The following FMN2 variants were observed in gnomAD, a reference collection of about 807,000 sequenced individuals.
FMN2 encodes the protein formin-2.
Under a neutral mutation model 142.3 loss-of-function variants are expected in FMN2, and 51 were observed. That is an observed-to-expected ratio of 0.36 (90% CI 0.29 to 0.45). The LOEUF is 0.45. FMN2 is among the 20% of genes least tolerant of loss of function. The pLI is 1.00. For missense variants in FMN2, 1,936 were observed against 2,122.8 expected (o/e 0.91, Z 1.73); for synonymous variants, 882 against 869.8 (o/e 1.01, Z -0.25).
chr1:240,339,815 T>A (rs1328358420), intron 13 of FMN2, among the ~76,000 whole-genome samples: 1 of 152,004 alleles, frequency 6.6e-6, no homozygotes, highest in Non-Finnish European at 1.5e-5. Context: ...TTCTGGTCTA[T>A]ACTAGGATAA....
At position 240,091,903 on chromosome 1, in the gene FMN2, G is replaced by T. The variant is rs12727981; in HGVS notation, c.-207G>T. On this transcript the variant is annotated 5_prime_UTR_variant, in exon 1 of 18. Transcript: ENST00000319653. Reference sequence around the variant, plus strand: ...TAGCCGCAGCCGCAGCCGCAGCGACGGCAGCCACGGGAGCCGCCGCGCATT... The same window carrying T: ...TAGCCGCAGCCGCAGCCGCAGCGACTGCAGCCACGGGAGCCGCCGCGCATT... The T allele has an allele frequency of 0.48, 391,457 of 817,146 alleles. 98,451 individuals are homozygous for T. Among genetic ancestry groups the T allele is most frequent in the Middle Eastern group, 0.6 (1,532 of 2,558 alleles). The allele number at this position is 817,146 out of a possible 1,614,324, so 50.6% of individuals were successfully genotyped here. A position where few individuals can be genotyped will look rare whatever the true frequency, so the allele number is the denominator to read the frequency against.
chr1:240,387,667 A>G (rs1389291502), intron 14 of FMN2, among the ~76,000 whole-genome samples: 2 of 152,220 alleles, frequency 1.3e-5, no homozygotes, highest in Non-Finnish European at 2.9e-5. Context: ...TAAAGAGGCA[A>G]CCTTATTTTA....
intron 2 of FMN2, among the ~76,000 whole-genome samples, chr1:240,165,719 C>T (rs1394981706): frequency 7.9e-5 from 12 of 151,610 alleles, no homozygotes. Flanking sequence ...TGCCGGGGAC[C>T]TGGGGCACTA....
At position 240,093,048 on chromosome 1, in the gene FMN2, G is replaced by T; in HGVS notation, c.939G>T (p.Ala313=). Residue 313 remains alanine (A), a synonymous_variant, in exon 1 of 18, where the codon GCG becomes GCT. Coordinates refer to ENST00000319653, the MANE Select transcript of FMN2 (RefSeq NM_020066.5). ...EAPSLPAAQP[A]AKDSPSSTAF... is the part of the protein sequence containing the mutation. ...CCAGTCTCCCGGCAGCGCAACCCGCGGCCAAAGACTCGCCCTCCTCCACGG... is the reference window on the plus strand; with the variant it reads ...CCAGTCTCCCGGCAGCGCAACCCGCTGCCAAAGACTCGCCCTCCTCCACGG... The T allele has an allele frequency of 7.2e-7, 1 of 1,391,396 alleles. No homozygotes were observed. Among genetic ancestry groups the T allele is most frequent in the Non-Finnish European group, 9.2e-7 (1 of 1,081,614 alleles). The allele number at this position is 1,391,396 out of a possible 1,614,324, so 86.2% of individuals were successfully genotyped here.
chr1:240,374,354 A>G (rs980024770), intron 14 of FMN2, among the ~76,000 whole-genome samples: 67 of 152,342 alleles, frequency 4.4e-4, no homozygotes, highest in South Asian at 2.1e-4. Context: ...GTTTTGAAGC[A>G]GGCATTGACT....
chr1:240,360,767 T>C (rs1385802006), intron 14 of FMN2, among the ~76,000 whole-genome samples: 1 of 152,100 alleles, frequency 6.6e-6, no homozygotes, highest in African/African-American at 2.4e-5. Flanking sequence ...GTGGCACATA[T>C]ACACCATGGA....
intron 2 of FMN2, among the ~76,000 whole-genome samples, chr1:240,157,974 T>TAAAAAA (rs369527022): frequency 2.7e-5 from 2 of 73,720 alleles, no homozygotes; most frequent in African/African-American, 4.7e-5. Flanking sequence ...CTGTCTCTAC[T>TAAAAAA]AAAAAAAAAA....
At chr1:240,142,690 T>C in intron 2 of FMN2, 1 of 1,611,098 alleles carries the variant, frequency 6.2e-7, no homozygotes. Context: ...TTGGGGTTCT[T>C]CCGAAGGATA....
At chr1:240,360,468 A>C in intron 14 of FMN2, among the ~76,000 whole-genome samples, 1 of 152,200 alleles carries the variant, frequency 6.6e-6, no homozygotes, top group African/African-American at 2.4e-5. Flanking sequence ...CCACTCCTAG[A>C]GTTACCTCCC....
In FMN2 at chr1:240,306,680, TG is replaced by T. The variant is rs1404481722; in HGVS notation, c.4215+11798del. Among the ~76,000 whole-genome samples the T allele has an allele frequency of 2.6e-5, 4 of 152,362 alleles. No individual in the cohort carries two copies. In the East Asian group the frequency reaches 7.7e-4, roughly 29 times the overall value. On this transcript the variant is annotated intron_variant, in intron 8 of 17. Transcript: ENST00000319653. ...GACATCTAGGTTTATTCCACGTCTT[TG>T]CTATTGCAAATAGTGCTGTGATGAA...
intron 14 of FMN2, among the ~76,000 whole-genome samples, chr1:240,388,472 G>A (rs1673486539): frequency 6.6e-6 from 1 of 152,022 alleles, no homozygotes; most frequent in Non-Finnish European, 1.5e-5. Context: ...GTGTGAGAAA[G>A]ACCTTGCAAA....
chr1:240,366,752 C>T lies in FMN2; in HGVS notation c.4858+10844C>T, dbSNP rs12739549. Among the ~76,000 whole-genome samples the T allele has an allele frequency of 1.5e-4, 23 of 152,140 alleles. No individual in the cohort carries two copies. In the East Asian group the frequency reaches 4.5e-3, roughly 30 times the overall value. On this transcript the variant is annotated intron_variant, in intron 14 of 17. Transcript: ENST00000319653. Reference sequence around the variant, plus strand: ...TTTTAGTAGAGGGGGGGTTTCTCCACGTTGGTCAGGCTGGTCTCAAACTCC... The same window carrying T: ...TTTTAGTAGAGGGGGGGTTTCTCCATGTTGGTCAGGCTGGTCTCAAACTCC...
At chr1:240,254,934 A>G (rs979145100) in intron 6 of FMN2, among the ~76,000 whole-genome samples, 2 of 152,110 alleles carry the variant, frequency 1.3e-5, no homozygotes, top group African/African-American at 4.8e-5. Context: ...GTGACACAGC[A>G]GGTGAGTGGA....
chr1:240,208,425 G>A lies in FMN2; in HGVS notation c.3613G>A (p.Gly1205Arg). Residue 1205 changes from glycine (G) to arginine (R), a missense_variant, in exon 5 of 18, where the codon GGG (glycine) becomes AGG (arginine). Physicochemically the swap from Gly to Arg is moderately radical, Grantham distance 125. Transcript: ENST00000319653. ...IPPPPPLPGA[G>R]IPPPPPLPGM... ...TCCTCCGCCCCCTCTACCTGGTGCT[G>A]GGATTCCCCCACCTCCTCCCTTGCC... 6.3e-7 allele frequency: 1 copy of A among 1,591,484 alleles called. No homozygotes were observed. The highest frequency in any genetic ancestry group is 8.6e-7 in the Non-Finnish European group (1 of 1,164,422).
chr1:240,110,032 G>T (rs1028009127), intron 1 of FMN2, among the ~76,000 whole-genome samples: 3 of 152,088 alleles, frequency 2.0e-5, no homozygotes, highest in African/African-American at 7.2e-5. Context: ...AATTAAGGCA[G>T]TGTGTTCTAC....
intron 6 of FMN2, among the ~76,000 whole-genome samples, chr1:240,250,587 G>A (rs1668242779): frequency 6.6e-6 from 1 of 152,074 alleles, no homozygotes; most frequent in Admixed American, 6.6e-5. Context: ...TCAGGGTAAT[G>A]CTGACCTGGT....
intron 2 of FMN2, chr1:240,144,630 G>T: frequency 7.8e-7 from 1 of 1,284,450 alleles, no homozygotes; most frequent in Non-Finnish European, 1.1e-6. Context: ...AGGGCACAAC[G>T]CAGTAGGACT....
At chr1:240,263,064 A>C (rs911967812) in intron 7 of FMN2, among the ~76,000 whole-genome samples, 10 of 152,052 alleles carry the variant, frequency 6.6e-5, no homozygotes, top group African/African-American at 2.2e-4. Flanking sequence ...CATCCCCAAG[A>C]ACTTTTCAGA....
At chr1:240,276,315 T>C (rs1413607540) in intron 7 of FMN2, among the ~76,000 whole-genome samples, 1 of 152,168 alleles carries the variant, frequency 6.6e-6, no homozygotes, top group Non-Finnish European at 1.5e-5. Context: ...CATATGATAT[T>C]TTATTATAGA....
Sources: allele counts gnomAD v4.1 joint callset (sites outside exome capture counted in the v4.1 genomes callset), GRCh38; gene constraint gnomAD v4.1.1; transcripts MANE v1.5; gene names NCBI Gene and HGNC (gene_info 2026-07-23, HGNC 2026-07-21).